Variants in HAPLN2 observed in about 807,000 individuals in gnomAD.
HAPLN2 encodes hyaluronan and proteoglycan link protein 2.
A neutral mutation model predicts 29.3 loss-of-function variants in HAPLN2; 27 were observed. The observed-to-expected ratio is 0.92, with a 90% CI of 0.68 to 1.27. The LOEUF is 1.27. Ranked by LOEUF, HAPLN2 falls within the 50% of genes most tolerant of loss-of-function variation. The probability of loss-of-function intolerance (pLI) is 0.00; values close to 1 mark genes in which losing one functional copy is unlikely to be tolerated. For missense variants in HAPLN2, 454 were observed against 484.3 expected, an observed-to-expected ratio of 0.94 and a Z score of 0.59; for synonymous variants, 208 against 211.7, an observed-to-expected ratio of 0.98 and a Z score of 0.15.
intron 2 of HAPLN2, 100 bp from the exon 3 acceptor site, chr1:156,623,367 A>C: frequency 1.0e-6 from 1 of 983,856 alleles, no homozygotes. Flanking sequence ...CCAGCTGGAC[A>C]GTCCCTTCTA....
the HAPLN2 span, among the ~76,000 whole-genome samples, chr1:156,604,293 C>CT: frequency 0.7 from 102,889 of 146,914 alleles, 36,422 homozygotes; most frequent in Non-Finnish European, 0.75. Context: ...TTGAAGAATT[C>CT]TTTTTTTTTT....
At chr1:156,624,909 G>GA in intron 6 of HAPLN2, 126 bp downstream of exon 6, 9 of 999,480 alleles carry the variant, frequency 9.0e-6, no homozygotes, top group South Asian at 5.5e-5. Context: ...CCCCCCATCA[G>GA]CCCGCCCGCC....
upstream of HAPLN2, among the ~76,000 whole-genome samples, chr1:156,617,093 A>AGAAG (rs1247348039): frequency 6.6e-6 from 1 of 151,022 alleles, no homozygotes; most frequent in African/African-American, 2.4e-5. Flanking sequence ...CTGTTTCAAA[A>AGAAG]GAAAGAAAGA....
At chr1:156,618,574 T>C (rs1274440745), upstream of HAPLN2, among the ~76,000 whole-genome samples, 2 of 151,652 alleles carry the variant, frequency 1.3e-5, no homozygotes, top group Non-Finnish European at 2.9e-5. Flanking sequence ...GGTCAGGAGA[T>C]CGAGACCATC....
chr1:156,623,033 CAAAAAAATAAATAAATAAAT>C (rs1347700473), intron 2 of HAPLN2, among the ~76,000 whole-genome samples: 6 of 44,252 alleles, frequency 1.4e-4, no homozygotes, highest in African/African-American at 4.1e-4. Context: ...CACTCTGTCT[CAAAAAAATAAATAAATAAAT>C]AAATAAATAA....
rs375710857 is a variant in HAPLN2, at chr1:156,625,310, C to G, written c.949C>G (p.Pro317Ala). The G allele has an allele frequency of 1.9e-6, 3 of 1,587,960 alleles. No homozygotes were observed. The African/African-American group carries it at 4.0e-5, about 21-fold the overall frequency. The change falls in exon 7 of 7, where the codon CCC becomes GCC. Residue 317 changes from proline (P) to alanine (A), a missense_variant. Around this residue, in one of 3 missense-constraint regions of HAPLN2, gnomAD observed 235 missense variants for 236.9 expected, o/e 0.99. Transcript: ENST00000255039. This position sits in a 1 kb window ranked among gnomAD's most constrained non-coding sequence, Gnocchi z 5.7. Reference sequence around the variant, plus strand: ...GCCGCGCTGCGGGGGGCTCCCGGATCCCGGAGTGCGCAGTTTCGGCTTCCC... The same window carrying G: ...GCCGCGCTGCGGGGGGCTCCCGGATGCCGGAGTGCGCAGTTTCGGCTTCCC... Reference protein sequence around the residue: ...PRPRCGGLPDPGVRSFGFPRP... With the variant: ...PRPRCGGLPDAGVRSFGFPRP...
rs1484729971 is a variant in HAPLN2, at chr1:156,623,958, G to A, written c.237G>A (p.Arg79=). Reference sequence around the variant, plus strand: ...GCAAGGTGGAGCCTGGGGAGCTCCGGGAAACGCTGATCCTCATCACCAACG... The same window carrying A: ...GCAAGGTGGAGCCTGGGGAGCTCCGAGAAACGCTGATCCTCATCACCAACG... The part of the protein sequence containing the change: ...RWSKVEPGEL[R]ETLILITNGL... Residue 79 remains arginine (R), a synonymous_variant, in exon 4 of 7, where the codon CGG becomes CGA. Coordinates refer to ENST00000255039, the MANE Select transcript of HAPLN2 (RefSeq NM_021817.3). 4 of 1,608,184 alleles carry A rather than the reference G, an allele frequency of 2.5e-6. No homozygotes were observed. In the Admixed American group the frequency reaches 5.1e-5, roughly 20 times the overall value.
At chr1:156,618,389 A>G (rs184549504), upstream of HAPLN2, among the ~76,000 whole-genome samples, 2 of 151,040 alleles carry the variant, frequency 1.3e-5, no homozygotes, top group Non-Finnish European at 2.9e-5. Flanking sequence ...CTAAGGGGGA[A>G]GATCTCTTGA....
At chr1:156,603,643 GCCACTC>G in the HAPLN2 span, among the ~76,000 whole-genome samples, 1 of 152,102 alleles carries the variant, frequency 6.6e-6, no homozygotes, top group African/African-American at 2.4e-5. Context: ...CACTTTGCCA[GCCACTC>G]CCAAAACTTA....
At chr1:156,622,453 CA>C (rs532888019) in intron 2 of HAPLN2, among the ~76,000 whole-genome samples, 92 of 139,534 alleles carry the variant, frequency 6.6e-4, no homozygotes, top group East Asian at 3.3e-3. Flanking sequence ...AACCCTGTCT[CA>C]AAAAAAAAAA....
At chr1:156,606,950 C>T in the HAPLN2 span, among the ~76,000 whole-genome samples, 6 of 152,046 alleles carry the variant, frequency 3.9e-5, no homozygotes, top group Non-Finnish European at 7.4e-5. Flanking sequence ...TAATAATTTC[C>T]CATCTCCTAA....
chr1:156,601,549 A>T, the HAPLN2 span: 1 of 1,304,258 alleles, frequency 7.7e-7, no homozygotes, highest in Non-Finnish European at 1.1e-6. Context: ...CGGTTTTTCC[A>T]GGAGAAACCA....
the HAPLN2 span, among the ~76,000 whole-genome samples, chr1:156,608,279 T>C: frequency 2.4e-3 from 363 of 152,334 alleles, 1 homozygote; most frequent in Non-Finnish European, 4.1e-3. Flanking sequence ...CAGGTTCAGC[T>C]GAACACTTAT....
At chr1:156,608,482 G>A in the HAPLN2 span, among the ~76,000 whole-genome samples, 1 of 151,962 alleles carries the variant, frequency 6.6e-6, no homozygotes, top group South Asian at 2.1e-4. Flanking sequence ...TGCCAAGAAG[G>A]GAGGCAGGGT....
At chr1:156,617,120 T>C (rs1678076952), upstream of HAPLN2, among the ~76,000 whole-genome samples, 1 of 150,702 alleles carries the variant, frequency 6.6e-6, no homozygotes, top group Non-Finnish European at 1.5e-5. Context: ...GAAAAGTATA[T>C]TCAAGGTGAG....
upstream of HAPLN2, among the ~76,000 whole-genome samples, chr1:156,615,782 G>C (rs1253521042): frequency 6.6e-6 from 1 of 151,942 alleles, no homozygotes. Context: ...ATGCTGGCCA[G>C]GCTGGTCTTG....
In HAPLN2 at chr1:156,623,037, A is replaced by AAAAAT. The variant is rs551908025; in HGVS notation, c.-24-427_-24-426insATAAA. Among the ~76,000 whole-genome samples, 88 of 111,434 alleles carry AAAAAT rather than the reference A, an allele frequency of 7.9e-4. 1 individual carries two copies. The highest frequency in any genetic ancestry group is 2.8e-3 in the African/African-American group (87 of 31,206). 73.1% of individuals were successfully genotyped at this position (111,434 alleles called of 152,430 possible). A position where few individuals can be genotyped will look rare whatever the true frequency, so the allele number is the denominator to read the frequency against. ...CCATGGAGCAACACTCTGTCTCAAA[A>AAAAAT]AAATAAATAAATAAATAAATAAATA... On this transcript the variant is annotated intron_variant, in intron 2 of 6. Coordinates refer to ENST00000255039, the MANE Select transcript of HAPLN2 (RefSeq NM_021817.3).
intron 2 of HAPLN2, among the ~76,000 whole-genome samples, chr1:156,621,989 G>A (rs1479783083): frequency 6.6e-6 from 1 of 151,494 alleles, no homozygotes; most frequent in South Asian, 2.1e-4. Flanking sequence ...TTAAAGGGGG[G>A]AATAACTACA....
At chr1:156,619,658 C>T (rs3795727) in intron 1 of HAPLN2, 123 bp downstream of exon 1, 37,497 of 151,924 alleles carry the variant, frequency 0.25, 4,856 homozygotes, top group South Asian at 0.49. Context: ...AGTTCATCCC[C>T]ATCCCCATCA....
Sources: allele counts gnomAD v4.1 joint callset (sites outside exome capture counted in the v4.1 genomes callset), GRCh38; gene constraint gnomAD v4.1.1; regional missense constraint gnomAD v4.1.1; non-coding constraint Gnocchi (gnomAD v3.1); transcripts MANE v1.5; gene names NCBI Gene and HGNC (gene_info 2026-07-23, HGNC 2026-07-21).